Variants in TMPRSS9 observed in about 807,000 individuals in gnomAD.
The protein encoded by TMPRSS9 is transmembrane serine protease 9.
In TMPRSS9, 113 loss-of-function variants were observed where a neutral mutation model predicts 111.4. The observed-to-expected ratio is 1.01, with a 90% CI of 0.87 to 1.19. TMPRSS9 has a LOEUF of 1.19. Among genes scored for constraint, TMPRSS9 ranks in the 50% most tolerant of loss-of-function variants. The pLI is 0.00. For missense variants in TMPRSS9, 1,803 were observed against 1,513.1 expected (o/e 1.19, Z -3.18); for synonymous variants, 805 against 659.1 (o/e 1.22, Z -3.39).
intron 13 of TMPRSS9, among the ~76,000 whole-genome samples, chr19:2,420,856 A>G (rs931975115): frequency 2.0e-5 from 3 of 152,200 alleles, no homozygotes; most frequent in Admixed American, 2.0e-4. Context: ...CTATTATTAT[A>G]CTATTTATTC....
At chr19:2,381,008 G>C (rs1437596286) in intron 1 of TMPRSS9, among the ~76,000 whole-genome samples, 1 of 152,040 alleles carries the variant, frequency 6.6e-6, no homozygotes, top group Non-Finnish European at 1.5e-5. Context: ...AAAGACCCCT[G>C]TACACAGATT....
chr19:2,380,598 C>CAAAAAAAAAAAAAAAAAAAAAA (rs112276283), intron 1 of TMPRSS9, among the ~76,000 whole-genome samples: 1 of 110,868 alleles, frequency 9.0e-6, no homozygotes, highest in African/African-American at 3.5e-5. Context: ...AAGACTCCAC[C>CAAAAAAAAAAAAAAAAAAAAAA]AAAAAAAAAA....
At chr19:2,377,980 C>G (rs773663625) in intron 1 of TMPRSS9, among the ~76,000 whole-genome samples, 1 of 151,356 alleles carries the variant, frequency 6.6e-6, no homozygotes, top group African/African-American at 2.4e-5. Flanking sequence ...GAGTGATGAA[C>G]CCTCCCACCT....
chr19:2,364,447 T>C (rs1018885937), intron 1 of TMPRSS9, among the ~76,000 whole-genome samples: 3 of 152,086 alleles, frequency 2.0e-5, no homozygotes, highest in Non-Finnish European at 4.4e-5. Context: ...GGGATCTCAC[T>C]ATGTTGATCA....
At chr19:2,378,870 G>GAAGAATGA (rs1215327543) in intron 1 of TMPRSS9, among the ~76,000 whole-genome samples, 1 of 152,194 alleles carries the variant, frequency 6.6e-6, no homozygotes, top group African/African-American at 2.4e-5. Flanking sequence ...GTAGGAGAGA[G>GAAGAATGA]AAGAATGAAA....
At chr19:2,384,242 G>C (rs1258925198) in intron 1 of TMPRSS9, among the ~76,000 whole-genome samples, 2 of 152,192 alleles carry the variant, frequency 1.3e-5, no homozygotes. Context: ...GAGCTGAGGC[G>C]GAGGGGAGGC....
intron 1 of TMPRSS9, among the ~76,000 whole-genome samples, chr19:2,361,374 G>GGGC (rs1970196772): frequency 8.3e-6 from 1 of 121,024 alleles, no homozygotes; most frequent in Admixed American, 8.3e-5. Context: ...GGGTGGGAGG[G>GGGC]GGGGCTGGGG....
chr19:2,411,400 CT>C (rs571815184), intron 9 of TMPRSS9, among the ~76,000 whole-genome samples: 21,759 of 100,358 alleles, frequency 0.22, 1,990 homozygotes, highest in African/African-American at 0.31. Flanking sequence ...TCTTCTTCTT[CT>C]TTTTTTTTTT....
At chr19:2,375,221 A>G (rs934411240) in intron 1 of TMPRSS9, among the ~76,000 whole-genome samples, 1 of 152,212 alleles carries the variant, frequency 6.6e-6, no homozygotes, top group Non-Finnish European at 1.5e-5. Flanking sequence ...CTGTGAGTTG[A>G]ACCATAAGAA....
chr19:2,407,286 C>T (rs971816557), intron 7 of TMPRSS9, among the ~76,000 whole-genome samples: 2 of 151,626 alleles, frequency 1.3e-5, no homozygotes, highest in African/African-American at 4.8e-5. Context: ...CTTTGGGAGG[C>T]TGAGGTGGGG....
At chr19:2,390,434 G>A (rs1315749133) in intron 1 of TMPRSS9, among the ~76,000 whole-genome samples, 2 of 149,276 alleles carry the variant, frequency 1.3e-5, no homozygotes, top group Non-Finnish European at 3.0e-5. Flanking sequence ...TAGTAGAGAC[G>A]GGGTTTCACC....
At position 2,383,588 on chromosome 19, in the gene TMPRSS9, G is replaced by A. The variant is rs936765876; in HGVS notation, c.-25-6173G>A. On this transcript the variant is annotated intron_variant, in intron 1 of 17. Transcript: ENST00000649857. Reference sequence around the variant, plus strand: ...TGGGCTCCAGTGATCCTCCTATCTCGGCCTCCCAAGGTGCTGGGATTACAG... The same window carrying A: ...TGGGCTCCAGTGATCCTCCTATCTCAGCCTCCCAAGGTGCTGGGATTACAG... Among the ~76,000 whole-genome samples, 18 of 102,236 alleles carry A rather than the reference G, an allele frequency of 1.8e-4. No homozygotes were observed. In the East Asian group the frequency reaches 1.9e-3, roughly 11 times the overall value. The allele number at this position is 102,236 out of a possible 152,430, so 67.1% of individuals were successfully genotyped here.
At chr19:2,396,318 G>A in intron 1 of TMPRSS9, 1 of 499,466 alleles carries the variant, frequency 2.0e-6, no homozygotes. Flanking sequence ...GTGGGTGGCT[G>A]TCATAGAATT....
In TMPRSS9 at chr19:2,362,294, G is replaced by A. The variant is rs530002224; in HGVS notation, c.-26+1934G>A. On this transcript the variant is annotated intron_variant, in intron 1 of 17. Transcript: ENST00000649857. ...TAGTTGTGTGGTCATGTGTGGTTGC[G>A]TATAGTTATGTCATGATGTTTGTGT... Among the ~76,000 whole-genome samples the A allele has an allele frequency of 4.6e-4, 70 of 152,118 alleles. No individual in the cohort carries two copies. The South Asian group carries it at 0.013, about 28-fold the overall frequency.
At chr19:2,386,523 A>G (rs1568173454), upstream of TMPRSS9, among the ~76,000 whole-genome samples, 1 of 151,994 alleles carries the variant, frequency 6.6e-6, no homozygotes, top group Non-Finnish European at 1.5e-5. Context: ...AAAAACCAAA[A>G]AAACAAAGAT....
rs757753206 is a variant in TMPRSS9, at chr19:2,416,671, C to G, written c.1879C>G (p.Leu627Val). The change falls in exon 12 of 18, where the codon CTG becomes GTG. Residue 627 changes from leucine (L) to valine (V), a missense_variant. Coordinates refer to ENST00000648592, the Ensembl canonical transcript of TMPRSS9. ...CAACCCTGGCATCCTGGACTTCGAC[C>G]TGGCTGTCCTGGAGCTGGCCAGCCC... The G allele has an allele frequency of 9.3e-6, 15 of 1,613,004 alleles. No individual in the cohort carries two copies. The African/African-American group carries it at 1.3e-4, about 14-fold the overall frequency.
At chr19:2,402,102 C>G in intron 5 of TMPRSS9, 86 bp downstream of exon 6, 1 of 1,425,754 alleles carries the variant, frequency 7.0e-7, no homozygotes, top group Non-Finnish European at 9.6e-7. Flanking sequence ...GAAGGAATCC[C>G]TGGAACGAGG....
exon 14 of TMPRSS9, chr19:2,422,131 C>A: frequency 6.3e-7 from 1 of 1,595,466 alleles, no homozygotes; most frequent in Non-Finnish European, 8.5e-7. Flanking sequence ...CCTGGGGCTG[C>A]CAGCAGGGTG....
rs146793974 is a variant in TMPRSS9 at position 2,401,182 on chromosome 19, G to T, written c.515-793G>T. 1.8e-3 allele frequency among the ~76,000 whole-genome samples: 271 copies of T among 152,198 alleles called. 3 individuals carry two copies. The highest frequency in any genetic ancestry group is 6.2e-3 in the African/African-American group (257 of 41,532). On this transcript the variant is annotated intron_variant, in intron 4 of 17. Coordinates refer to ENST00000648592, the Ensembl canonical transcript of TMPRSS9. ...CCAGCTGCTTGGGACGCTGAGGCAG[G>T]AGAATAGCGTGAACCCGGGAGGCGG...
Sources: gnomAD v4.1 joint callset for allele counts (sites outside exome capture counted in the v4.1 genomes callset) on GRCh38, gnomAD v4.1.1 for gene constraint, MANE v1.5 for transcripts, NCBI Gene and HGNC (gene_info 2026-07-23, HGNC 2026-07-21) for gene names.